PLEKHO2: variants seen among roughly 807,000 people sequenced by gnomAD.
PLEKHO2 encodes the protein pleckstrin homology domain containing O2, also known as pleckstrin homology domain-containing family O member 2.
PLEKHO2 carries 20 observed loss-of-function variants against 32.7 expected under a neutral mutation model. The observed-to-expected ratio is 0.61, with a 90% CI of 0.43 to 0.89. PLEKHO2 has a LOEUF of 0.89. Ranked by LOEUF, PLEKHO2 falls within the 40% of genes least tolerant of loss-of-function variation. The pLI is 0.00. For synonymous variants in PLEKHO2, 247 were observed against 246.3 expected, an observed-to-expected ratio of 1.00 and a Z score of -0.03; for missense variants, 568 against 621.2, an observed-to-expected ratio of 0.91 and a Z score of 0.91.
chr15:64,863,944 T>C (rs1232401317), intron 5 of PLEKHO2, among the ~76,000 whole-genome samples: 1 of 152,120 alleles, frequency 6.6e-6, no homozygotes, highest in Non-Finnish European at 1.5e-5. Flanking sequence ...GGTTTCTCCA[T>C]GTTGCTCAGG....
At chr15:64,863,016 GC>G (rs1245625300) in intron 5 of PLEKHO2, among the ~76,000 whole-genome samples, 2 of 144,792 alleles carry the variant, frequency 1.4e-5, no homozygotes, top group African/African-American at 5.2e-5. Context: ...TCAGCTCACT[GC>G]AACCTCCGCC....
chr15:64,859,863 C>G, intron 3 of PLEKHO2, 31 bp from the exon 4 acceptor site: 1 of 1,566,910 alleles, frequency 6.4e-7, no homozygotes, highest in Non-Finnish European at 8.8e-7. Flanking sequence ...TGTTAAACAT[C>G]TGCCATCTAC....
chr15:64,845,478 C>G (rs545737711), intron 1 of PLEKHO2, among the ~76,000 whole-genome samples: 1 of 152,052 alleles, frequency 6.6e-6, no homozygotes, highest in Non-Finnish European at 1.5e-5. Context: ...AGCCAGGCCC[C>G]CCTGGAGGGA....
At chr15:64,853,618 C>T (rs1443742418) in intron 2 of PLEKHO2, among the ~76,000 whole-genome samples, 1 of 152,094 alleles carries the variant, frequency 6.6e-6, no homozygotes, top group Non-Finnish European at 1.5e-5. Flanking sequence ...CTAACAAGCT[C>T]TCAGGTGGTG....
chr15:64,842,193 G>C (rs1475264136), intron 1 of PLEKHO2, among the ~76,000 whole-genome samples, 165 bp downstream of exon 1: 1 of 152,254 alleles, frequency 6.6e-6, no homozygotes, highest in African/African-American at 2.4e-5. Flanking sequence ...GATCCATATC[G>C]GGGACTTCGC....
chr15:64,853,556 AGTGCTGGGATTACAG>A (rs1387333211), intron 2 of PLEKHO2, among the ~76,000 whole-genome samples: 1 of 152,030 alleles, frequency 6.6e-6, no homozygotes, highest in East Asian at 1.9e-4. Flanking sequence ...GGCCTCCCAA[AGTGCTGGGATTACAG>A]GTGTGAGCCA....
intron 5 of PLEKHO2, among the ~76,000 whole-genome samples, chr15:64,863,501 C>T (rs939178069): frequency 2.6e-4 from 34 of 131,272 alleles, no homozygotes; most frequent in East Asian, 6.7e-4. Flanking sequence ...TTCAGGGAGG[C>T]GCTGTGTGTG....
chr15:64,854,454 C>G (rs767748112), intron 2 of PLEKHO2, among the ~76,000 whole-genome samples: 3 of 152,180 alleles, frequency 2.0e-5, no homozygotes, highest in Non-Finnish European at 4.4e-5. Context: ...GCATGTAGCC[C>G]CAAATTTGCC....
rs377115960 is a variant in PLEKHO2, at chr15:64,848,559, A to C, written c.13-34A>C. 304 of 1,613,084 alleles carry C rather than the reference A, an allele frequency of 1.9e-4. 2 individuals are homozygous for C. Among genetic ancestry groups the C allele is most frequent in the Middle Eastern group, 8.3e-4 (5 of 6,048 alleles). On this transcript the variant is annotated intron_variant, in intron 1 of 5. Transcript: ENST00000323544. The stretch of plus-strand genomic sequence containing the variant: ...CTGTGACCTGTGACCCCATGGTAGC[A>C]ACCCTCATGGTATGAACTGGTGCTG...
chr15:64,864,462 A>C (rs1389279825), intron 5 of PLEKHO2, among the ~76,000 whole-genome samples: 1 of 152,154 alleles, frequency 6.6e-6, no homozygotes, highest in Non-Finnish European at 1.5e-5. Context: ...TGACTGACCA[A>C]CTGGTTGTGG....
chr15:64,841,981 C>T lies in PLEKHO2; in HGVS notation c.-36C>T, dbSNP rs868740983. On this transcript the variant is annotated 5_prime_UTR_variant, in exon 1 of 6. Transcript: ENST00000323544. ...GGCAGAGCCCGCGCGGCGCTGGAAG[C>T]GAGTGGCGGAGCGGCGGGACCTCGG... is the stretch of plus-strand genomic sequence containing the variant. The T allele has an allele frequency of 5.6e-6, 7 of 1,246,642 alleles. No homozygotes were observed. In the South Asian group the frequency reaches 2.1e-4, roughly 37 times the overall value. 77.2% of individuals were successfully genotyped at this position (1,246,642 alleles called of 1,614,324 possible). A position where few individuals can be genotyped will look rare whatever the true frequency, so the allele number is the denominator to read the frequency against.
Position 64,848,581 on chromosome 15 carries a change from G to T in PLEKHO2, c.13-12G>T, listed in dbSNP as rs760849478. The T allele has an allele frequency of 6.2e-7, 1 of 1,614,110 alleles. No homozygotes were observed. Among genetic ancestry groups the T allele is most frequent in the Non-Finnish European group, 8.5e-7 (1 of 1,179,994 alleles). On this transcript the variant is annotated splice_polypyrimidine_tract_variant and intron_variant, in intron 1 of 5. Transcript: ENST00000323544. ...AGCAACCCTCATGGTATGAACTGGT[G>T]CTGTGTTACAGGGTGTGAAGGAAGC...
chr15:64,856,036 G>T (rs1169995334), intron 3 of PLEKHO2, among the ~76,000 whole-genome samples: 1 of 152,062 alleles, frequency 6.6e-6, no homozygotes, highest in Non-Finnish European at 1.5e-5. Flanking sequence ...AGGGGGCTGT[G>T]GAGCTGTGAT....
chr15:64,855,160 G>T, intron 3 of PLEKHO2, 123 bp downstream of exon 3: 1 of 721,524 alleles, frequency 1.4e-6, no homozygotes. Context: ...TGTGGCTGAG[G>T]CTCAGCCCTA....
At chr15:64,843,154 G>C (rs1254740803) in intron 1 of PLEKHO2, among the ~76,000 whole-genome samples, 1 of 152,214 alleles carries the variant, frequency 6.6e-6, no homozygotes, top group Non-Finnish European at 1.5e-5. Flanking sequence ...AGCAGCTAGT[G>C]GTCCGTCAGG....
intron 3 of PLEKHO2, 48 bp from the exon 4 acceptor site, chr15:64,859,846 T>G: frequency 4.3e-4 from 656 of 1,520,164 alleles, no homozygotes; most frequent in Non-Finnish European, 5.4e-4. Flanking sequence ...ATGCCAAATG[T>G]GAGCTTTGTT....
chr15:64,857,980 A>G (rs2084616596), intron 3 of PLEKHO2, among the ~76,000 whole-genome samples: 1 of 152,172 alleles, frequency 6.6e-6, no homozygotes, highest in African/African-American at 2.4e-5. Context: ...TGTACCATGC[A>G]GGGGTCACAC....
At chr15:64,862,094 G>A (rs1011186147) in intron 5 of PLEKHO2, among the ~76,000 whole-genome samples, 1 of 152,162 alleles carries the variant, frequency 6.6e-6, no homozygotes, top group Non-Finnish European at 1.5e-5. Flanking sequence ...CTGAGGCACA[G>A]CGGGAGGGTT....
At position 64,865,438 on chromosome 15, in the gene PLEKHO2, C is replaced by T; in HGVS notation, c.1023C>T (p.Val341=). 6.2e-7 allele frequency: 1 copy of T among 1,614,114 alleles called. No homozygotes were observed. Among genetic ancestry groups the T allele is most frequent in the Non-Finnish European group, 8.5e-7 (1 of 1,180,004 alleles). Residue 341 remains valine, a synonymous_variant, in exon 6 of 6, where the codon GTC becomes GTT. Coordinates refer to ENST00000323544, the MANE Select transcript of PLEKHO2 (RefSeq NM_025201.5). ...CACCTGCTCCAGGCACAGTGCAGGT[C>T]TCAGTGAATGGCATGGATGACAGTC... ...SGPPAPGTVQ[V]SVNGMDDSPE... is the part of the protein sequence containing the mutation.
Sources: allele counts gnomAD v4.1 joint callset (sites outside exome capture counted in the v4.1 genomes callset), GRCh38; gene constraint gnomAD v4.1.1; transcripts MANE v1.5; gene names NCBI Gene and HGNC (gene_info 2026-07-23, HGNC 2026-07-21).